The following GALNTL6 variants were observed in gnomAD, a reference collection of about 807,000 sequenced individuals.
The protein encoded by GALNTL6 is polypeptide N-acetylgalactosaminyltransferase like 6, also known as polypeptide N-acetylgalactosaminyltransferase-like 6.
Under a neutral mutation model 73.7 loss-of-function variants are expected in GALNTL6, and 46 were observed. The ratio of observed to expected loss-of-function variants is 0.62; its 90% CI spans 0.49 to 0.80. The LOEUF is 0.80. GALNTL6 is among the 30% of genes least tolerant of loss of function. The probability of loss-of-function intolerance (pLI) is 0.00; values close to 1 mark genes in which losing one functional copy is unlikely to be tolerated. For synonymous variants in GALNTL6, 259 were observed against 263.7 expected (o/e 0.98, Z 0.17); for missense variants, 604 against 755.0 (o/e 0.80, Z 2.34).
chr4:172,687,010 C>A (rs1264546492), intron 5 of GALNTL6, among the ~76,000 whole-genome samples: 1 of 152,124 alleles, frequency 6.6e-6, no homozygotes, highest in Non-Finnish European at 1.5e-5. Context: ...GGGAAGGGGA[C>A]GAGGCTCTGA....
intron 2 of GALNTL6, among the ~76,000 whole-genome samples, chr4:172,053,493 G>A (rs1265724289): frequency 6.6e-6 from 1 of 152,166 alleles, no homozygotes; most frequent in Non-Finnish European, 1.5e-5. Flanking sequence ...ATAGCTCAAA[G>A]CTGTCTGGAA....
At chr4:172,573,854 C>A (rs1736860016) in intron 5 of GALNTL6, among the ~76,000 whole-genome samples, 2 of 152,150 alleles carry the variant, frequency 1.3e-5, no homozygotes, top group Non-Finnish European at 2.9e-5. Flanking sequence ...TTGCCAGTAA[C>A]ACGTTTTGAG....
intron 4 of GALNTL6, among the ~76,000 whole-genome samples, chr4:172,328,289 G>A (rs1401351035): frequency 3.3e-5 from 5 of 152,010 alleles, no homozygotes; most frequent in Non-Finnish European, 7.4e-5. Flanking sequence ...CTTTGTAAGT[G>A]ACCTGCCCTT....
At chr4:172,595,043 G>A (rs1737799766) in intron 5 of GALNTL6, among the ~76,000 whole-genome samples, 1 of 152,194 alleles carries the variant, frequency 6.6e-6, no homozygotes, top group Non-Finnish European at 1.5e-5. Flanking sequence ...TACATGAGAA[G>A]AAGAGGAGTA....
At chr4:172,457,944 TG>T (rs1732459501) in intron 5 of GALNTL6, among the ~76,000 whole-genome samples, 1 of 152,144 alleles carries the variant, frequency 6.6e-6, no homozygotes, top group Non-Finnish European at 1.5e-5. Context: ...ATTCTAACAT[TG>T]ACCACATAAT....
chr4:171,823,996 T>A (rs1734754793), intron 2 of GALNTL6, among the ~76,000 whole-genome samples: 1 of 149,466 alleles, frequency 6.7e-6, no homozygotes, highest in African/African-American at 2.4e-5. Flanking sequence ...ATTAATAAAC[T>A]TTAAGGTCAC....
intron 8 of GALNTL6, among the ~76,000 whole-genome samples, chr4:172,921,182 A>G (rs1263299939): frequency 1.3e-5 from 2 of 152,236 alleles, no homozygotes; most frequent in African/African-American, 4.8e-5. Context: ...GAAGCATAGG[A>G]AATAAGATTA....
At chr4:172,730,915 C>T (rs2111388356) in intron 5 of GALNTL6, among the ~76,000 whole-genome samples, 1 of 152,038 alleles carries the variant, frequency 6.6e-6, no homozygotes, top group Admixed American at 6.6e-5. Context: ...CTTGTTTCTA[C>T]TAAAAATACA....
chr4:172,625,658 C>T (rs1163695500), intron 5 of GALNTL6, among the ~76,000 whole-genome samples: 1 of 152,012 alleles, frequency 6.6e-6, no homozygotes, highest in Admixed American at 6.6e-5. Context: ...TAAGCGTTCC[C>T]TTGTCTCCTC....
chr4:172,673,447 G>GT lies in GALNTL6; in HGVS notation c.554-135910dup, dbSNP rs765066502. Among the ~76,000 whole-genome samples the GT allele has an allele frequency of 8.5e-5, 13 of 152,150 alleles. No individual in the cohort carries two copies. In the East Asian group the frequency reaches 1.2e-3, roughly 14 times the overall value. On this transcript the variant is annotated intron_variant, in intron 5 of 12. Transcript: ENST00000506823. Reference sequence around the variant, plus strand: ...TGGCAATTAGAAGAATGTATATTCTGTTTTGGGGGGATGGAGAGTTCTGTA... The same window carrying GT: ...TGGCAATTAGAAGAATGTATATTCTGTTTTTGGGGGGATGGAGAGTTCTGTA...
intron 2 of GALNTL6, among the ~76,000 whole-genome samples, chr4:172,182,978 A>T (rs775567611): frequency 1.3e-5 from 2 of 152,220 alleles, no homozygotes; most frequent in Admixed American, 1.3e-4. Context: ...CTAGCTTTCC[A>T]AGAATTCACA....
At chr4:172,215,379 T>C (rs2110935918) in intron 2 of GALNTL6, among the ~76,000 whole-genome samples, 1 of 152,294 alleles carries the variant, frequency 6.6e-6, no homozygotes, top group South Asian at 2.1e-4. Context: ...TGGATTTGTC[T>C]ATGTTTTCTT....
intron 2 of GALNTL6, among the ~76,000 whole-genome samples, chr4:172,019,656 C>T (rs538219255): frequency 1.3e-5 from 2 of 152,164 alleles, no homozygotes; most frequent in African/African-American, 4.8e-5. Context: ...CACTGGAGCA[C>T]CCAGATATAT....
chr4:172,383,644 G>T (rs72988232), intron 5 of GALNTL6, among the ~76,000 whole-genome samples: 3,718 of 152,200 alleles, frequency 0.024, 151 homozygotes, highest in African/African-American at 0.081. Flanking sequence ...AAAAAGGTGA[G>T]AGCAGACATC....
intron 2 of GALNTL6, among the ~76,000 whole-genome samples, chr4:172,115,160 T>C (rs1235740316): frequency 6.6e-6 from 1 of 152,170 alleles, no homozygotes; most frequent in African/African-American, 2.4e-5. Flanking sequence ...TTATGTTACA[T>C]AGAAACATTT....
chr4:172,374,369 G>T (rs1742945528), intron 5 of GALNTL6, among the ~76,000 whole-genome samples: 1 of 152,128 alleles, frequency 6.6e-6, no homozygotes, highest in African/African-American at 2.4e-5. Context: ...ATTTTGTTCA[G>T]GGCCCAGGGC....
chr4:172,162,962 G>A (rs1321505220), intron 2 of GALNTL6, among the ~76,000 whole-genome samples: 1 of 151,992 alleles, frequency 6.6e-6, no homozygotes, highest in Non-Finnish European at 1.5e-5. Flanking sequence ...ACTGCAATAG[G>A]TGACCATGGA....
At chr4:172,256,649 A>G (rs2111026829) in intron 3 of GALNTL6, among the ~76,000 whole-genome samples, 1 of 151,226 alleles carries the variant, frequency 6.6e-6, no homozygotes, top group African/African-American at 2.4e-5. Flanking sequence ...TTGTCTTTCC[A>G]CTGACTCTTT....
chr4:172,595,484 T>G (rs963679369), intron 5 of GALNTL6, among the ~76,000 whole-genome samples: 1 of 152,124 alleles, frequency 6.6e-6, no homozygotes, highest in African/African-American at 2.4e-5. Context: ...ATAAAAATAT[T>G]TTACTTAAAC....
Sources: allele counts gnomAD v4.1 joint callset (sites outside exome capture counted in the v4.1 genomes callset), GRCh38; gene constraint gnomAD v4.1.1; transcripts MANE v1.5; gene names NCBI Gene and HGNC (gene_info 2026-07-23, HGNC 2026-07-21).